The following PRIM2 variants were observed in gnomAD, a reference collection of about 807,000 sequenced individuals.
PRIM2 encodes DNA primase large subunit.
In PRIM2, 39 loss-of-function variants were observed where a neutral mutation model predicts 67.3. That is an observed-to-expected ratio of 0.58 (90% confidence interval 0.45 to 0.76). The LOEUF (loss-of-function observed/expected upper bound fraction) is 0.76. Ranked by LOEUF, PRIM2 falls within the 30% of genes least tolerant of loss-of-function variation. The pLI, the probability that PRIM2 is intolerant of heterozygous loss-of-function variation, is 0.00. For synonymous variants in PRIM2, 143 were observed against 198.7 expected (o/e 0.72, Z 2.36); for missense variants, 398 against 598.7 (o/e 0.66, Z 3.50).
intron 7 of PRIM2, among the ~76,000 whole-genome samples, chr6:57,495,482 G>C (rs1238165142): frequency 8.5e-5 from 13 of 152,302 alleles, no homozygotes; most frequent in Admixed American, 7.8e-4. Context: ...ACTTTCTGCA[G>C]CATCTGTTAA....
At chr6:57,237,788 T>A in the PRIM2 span, among the ~76,000 whole-genome samples, 197 of 152,334 alleles carry the variant, frequency 1.3e-3, 1 homozygote, top group African/African-American at 4.5e-3. Context: ...TCTGTTTTTG[T>A]ACCAGTACCA....
At chr6:57,237,402 A>G in the PRIM2 span, among the ~76,000 whole-genome samples, 2 of 152,298 alleles carry the variant, frequency 1.3e-5, no homozygotes, top group African/African-American at 4.8e-5. Flanking sequence ...TTTGCTGTGC[A>G]GAAGCTCTTT....
intron 7 of PRIM2, among the ~76,000 whole-genome samples, chr6:57,447,300 G>T (rs1772398524): frequency 1.3e-5 from 2 of 152,158 alleles, no homozygotes; most frequent in Non-Finnish European, 1.5e-5. Context: ...TGCTAAACCT[G>T]GTCCCCATTG....
intron 7 of PRIM2, among the ~76,000 whole-genome samples, chr6:57,501,108 A>G (rs1244248877): frequency 6.6e-6 from 1 of 152,188 alleles, no homozygotes; most frequent in East Asian, 1.9e-4. Flanking sequence ...TATTGAATAG[A>G]GAATGTAATT....
intron 8 of PRIM2, among the ~76,000 whole-genome samples, chr6:57,525,764 G>A (rs1261664846): frequency 6.6e-6 from 1 of 152,124 alleles, no homozygotes; most frequent in Non-Finnish European, 1.5e-5. Context: ...TCCTCTCTGC[G>A]GGCTTGAGGA....
At chr6:57,427,138 G>A (rs2397290) in intron 7 of PRIM2, among the ~76,000 whole-genome samples, 82,417 of 151,950 alleles carry the variant, frequency 0.54, 22,787 homozygotes, top group African/African-American at 0.66. Flanking sequence ...GGCAAAAACT[G>A]TAAAGCAGTT....
At chr6:57,359,095 C>T (rs985415223) in intron 5 of PRIM2, among the ~76,000 whole-genome samples, 18 of 152,402 alleles carry the variant, frequency 1.2e-4, no homozygotes, top group Admixed American at 3.3e-4. Flanking sequence ...AATACTAACT[C>T]CTCATTCTTC....
At chr6:57,451,372 C>T (rs1772543561) in intron 7 of PRIM2, among the ~76,000 whole-genome samples, 1 of 152,094 alleles carries the variant, frequency 6.6e-6, no homozygotes, top group East Asian at 1.9e-4. Flanking sequence ...AAACCCTGAC[C>T]TCAAGTGATC....
chr6:57,353,642 G>A (rs1380310502), intron 5 of PRIM2, among the ~76,000 whole-genome samples: 2 of 152,192 alleles, frequency 1.3e-5, no homozygotes, highest in Non-Finnish European at 2.9e-5. Context: ...GAACTTTTTA[G>A]TAGATTACTA....
chr6:57,514,968 G>A (rs1186847296), intron 8 of PRIM2, among the ~76,000 whole-genome samples: 1 of 151,976 alleles, frequency 6.6e-6, no homozygotes, highest in Admixed American at 6.6e-5. Context: ...ATCTGCATGT[G>A]GATTATGTTA....
At chr6:57,544,898 T>G (rs1207388600) in intron 10 of PRIM2, among the ~76,000 whole-genome samples, 1 of 152,216 alleles carries the variant, frequency 6.6e-6, no homozygotes, top group Non-Finnish European at 1.5e-5. Flanking sequence ...TTTTCATACA[T>G]GTTCATAGAT....
chr6:57,240,087 A>G, the PRIM2 span, among the ~76,000 whole-genome samples: 1 of 109,964 alleles, frequency 9.1e-6, no homozygotes, highest in South Asian at 3.1e-4. Flanking sequence ...GGGATCAATA[A>G]TCTGTTTTTT....
At chr6:57,523,339 ACT>A (rs1454323579) in intron 8 of PRIM2, among the ~76,000 whole-genome samples, 24,471 of 152,058 alleles carry the variant, frequency 0.16, 2,129 homozygotes, top group Non-Finnish European at 0.21. Flanking sequence ...CTTTTGCATG[ACT>A]CTCGAATTCT....
intron 5 of PRIM2, among the ~76,000 whole-genome samples, chr6:57,360,678 A>G (rs886953634): frequency 3.3e-5 from 5 of 152,168 alleles, no homozygotes; most frequent in African/African-American, 1.2e-4. Context: ...AAGCTGTATC[A>G]CTTTTGGATT....
chr6:57,311,208 G>A (rs1373372367), upstream of PRIM2, among the ~76,000 whole-genome samples: 1 of 150,668 alleles, frequency 6.6e-6, no homozygotes, highest in African/African-American at 2.4e-5. Flanking sequence ...CCCAGACGGG[G>A]CGGCCGGGCA....
chr6:57,419,770 A>T (rs1255256787), intron 7 of PRIM2, among the ~76,000 whole-genome samples: 6 of 151,642 alleles, frequency 4.0e-5, no homozygotes, highest in African/African-American at 1.5e-4. Context: ...ACATTTGGGA[A>T]TTTTTTTTTA....
chr6:57,256,509 T>G, the PRIM2 span, among the ~76,000 whole-genome samples: 1 of 152,206 alleles, frequency 6.6e-6, no homozygotes, highest in Admixed American at 6.5e-5. Flanking sequence ...TATAATATTC[T>G]AACTTATGGT....
At chr6:57,232,458 A>G in the PRIM2 span, among the ~76,000 whole-genome samples, 13 of 152,198 alleles carry the variant, frequency 8.5e-5, no homozygotes, top group Non-Finnish European at 1.6e-4. Flanking sequence ...AGGCTGAGGC[A>G]GGAGAATCAC....
the PRIM2 span, among the ~76,000 whole-genome samples, chr6:57,277,702 A>G: frequency 6.6e-6 from 1 of 152,088 alleles, no homozygotes; most frequent in Non-Finnish European, 1.5e-5. Flanking sequence ...GATTCTGGCC[A>G]GGCGCGGTGG....
Sources: allele counts gnomAD v4.1 joint callset (sites outside exome capture counted in the v4.1 genomes callset), GRCh38; gene constraint gnomAD v4.1.1; transcripts MANE v1.5; gene names NCBI Gene and HGNC (gene_info 2026-07-23, HGNC 2026-07-21).